DYNC2H1: variants seen among roughly 807,000 people sequenced by gnomAD.
The protein encoded by DYNC2H1 is dynein cytoplasmic 2 heavy chain 1.
A neutral mutation model predicts 570.0 loss-of-function variants in DYNC2H1; 410 were observed. That is an observed-to-expected ratio of 0.72 (90% confidence interval 0.66 to 0.78). The LOEUF (loss-of-function observed/expected upper bound fraction) is 0.78, where lower values mean the gene tolerates loss of function less well. Among genes scored for constraint, DYNC2H1 ranks in the 30% least tolerant of loss-of-function variants. The pLI, the probability that DYNC2H1 is intolerant of heterozygous loss-of-function variation, is 0.00. For missense variants in DYNC2H1, 4,865 were observed against 5,046.4 expected (o/e 0.96, Z 1.09); for synonymous variants, 1,688 against 1,677.6 (o/e 1.01, Z -0.15).
At chr11:103,443,288 A>C (rs1202441933) in intron 85 of DYNC2H1, among the ~76,000 whole-genome samples, 1 of 151,880 alleles carries the variant, frequency 6.6e-6, no homozygotes, top group African/African-American at 2.4e-5. Context: ...TCCATTCTCT[A>C]TTATCTATCA....
Position 103,189,705 on chromosome 11 carries a change from T to C in DYNC2H1, c.7326T>C (p.Tyr2442=), listed in dbSNP as rs558350168. 7.6e-5 allele frequency: 123 copies of C among 1,613,122 alleles called. 3 individuals are homozygous for C. In the South Asian group the frequency reaches 1.3e-3, roughly 17 times the overall value. The change falls in exon 45 of 89, where the codon TAT becomes TAC. Residue 2442 remains tyrosine, a synonymous_variant. Transcript: ENST00000375735. The surrounding 1 kb of genome is among the most constrained non-coding windows in gnomAD (Gnocchi z 4.3). The stretch of plus-strand genomic sequence containing the variant: ...AAAGAGAGCAGTTACAAACGATTTA[T>C]GGAGCATATTTGGAACCAGTTCTAC... ...YPEREQLQTI[Y]GAYLEPVLHK... is the part of the protein sequence containing the mutation.
rs915703999 is a variant in DYNC2H1 at position 103,205,058 on chromosome 11, A to G, written c.8454+94A>G. On this transcript the variant is annotated intron_variant, in intron 52 of 88. Transcript: ENST00000375735. The surrounding 1 kb of genome is among the most constrained non-coding windows in gnomAD (Gnocchi z 4.5). ...TCTCTTTGGTGTTGGTTATAACATC[A>G]CCTTAATTATGGCACCAAACATCTC... is the stretch of plus-strand genomic sequence containing the variant. 4 of 1,142,396 alleles carry G rather than the reference A, an allele frequency of 3.5e-6. No individual in the cohort carries two copies. Among genetic ancestry groups the G allele is most frequent in the Non-Finnish European group, 4.9e-6 (4 of 822,086 alleles). 70.8% of individuals were successfully genotyped at this position (1,142,396 alleles called of 1,614,324 possible). A position where few individuals can be genotyped will look rare whatever the true frequency, so the allele number is the denominator to read the frequency against.
chr11:103,253,536 G>A (rs1291750253), intron 66 of DYNC2H1, 88 bp downstream of exon 66: 4 of 1,238,354 alleles, frequency 3.2e-6, no homozygotes, highest in African/African-American at 3.0e-5. Context: ...TATTTTGTTA[G>A]ACTAATTAGT....
chr11:103,111,962 C>T (rs955460077), intron 1 of DYNC2H1, among the ~76,000 whole-genome samples: 4 of 152,130 alleles, frequency 2.6e-5, no homozygotes, highest in Non-Finnish European at 2.9e-5. Context: ...GTAGGCTAAA[C>T]GCATGCTACA....
At position 103,239,110 on chromosome 11, in the gene DYNC2H1, T is replaced by G. The variant is rs887971105; in HGVS notation, c.9819+2571T>G. Among the ~76,000 whole-genome samples the G allele has an allele frequency of 6.6e-6, 1 of 152,196 alleles. No homozygotes were observed. The highest frequency in any genetic ancestry group is 2.4e-5 in the African/African-American group (1 of 41,460). ...GAAAGGAAGTGGAGAAGATGACTAA[T>G]TAAAATATCAGATTTTATATGGGTT... On this transcript the variant is annotated intron_variant, in intron 63 of 88. Coordinates refer to ENST00000375735, the MANE Select transcript of DYNC2H1 (RefSeq NM_001377.3). The surrounding 1 kb of genome is among the most constrained non-coding windows in gnomAD (Gnocchi z 4.3).
At chr11:103,330,930 C>T (rs899401037) in intron 82 of DYNC2H1, among the ~76,000 whole-genome samples, 5 of 152,116 alleles carry the variant, frequency 3.3e-5, no homozygotes, top group African/African-American at 4.8e-5. Flanking sequence ...CAGTTGTAGT[C>T]AATAATAAGT....
At chr11:103,321,319 T>A in intron 81 of DYNC2H1, 82 bp downstream of exon 81, 1 of 1,185,302 alleles carries the variant, frequency 8.4e-7, no homozygotes, top group Non-Finnish European at 1.2e-6. Context: ...ATGTTACTTC[T>A]TTTCAAATGC....
In DYNC2H1 at chr11:103,243,840, G is replaced by A. The variant is rs755440188; in HGVS notation, c.9918+49G>A. 3.6e-6 allele frequency: 5 copies of A among 1,403,798 alleles called. No individual in the cohort carries two copies. The South Asian group carries it at 5.3e-5, about 15-fold the overall frequency. The allele number at this position is 1,403,798 out of a possible 1,614,324, so 87.0% of individuals were successfully genotyped here. On this transcript the variant is annotated intron_variant, in intron 64 of 88. Coordinates refer to ENST00000375735, the MANE Select transcript of DYNC2H1 (RefSeq NM_001377.3). The surrounding 1 kb of genome is among the most constrained non-coding windows in gnomAD (Gnocchi z 4.8). ...TACCAATTAGGAATGACCTCTTATAGTGAAAAGATCTTGGAGTCTATAATC... is the reference window on the plus strand; with the variant it reads ...TACCAATTAGGAATGACCTCTTATAATGAAAAGATCTTGGAGTCTATAATC...
At chr11:103,397,311 TA>T (rs545875421) in intron 83 of DYNC2H1, among the ~76,000 whole-genome samples, 14 of 150,542 alleles carry the variant, frequency 9.3e-5, no homozygotes, top group African/African-American at 2.2e-4. Flanking sequence ...ATTTACTCAA[TA>T]AAAAAAAAAC....
At chr11:103,426,666 ACTGATGATTGTTAT>A (rs1420506748) in intron 84 of DYNC2H1, among the ~76,000 whole-genome samples, 1 of 152,186 alleles carries the variant, frequency 6.6e-6, no homozygotes, top group African/African-American at 2.4e-5. Context: ...CTATGGCTAA[ACTGATGATTGTTAT>A]CTAGTTTGTG....
chr11:103,177,643 C>T lies in DYNC2H1; in HGVS notation c.5962C>T (p.Leu1988Phe). ...TCCAAGTGGTGCTGGAAAATCAACG[C>T]TTTGGAGAATGTTAAGGGCTGCGCT... is the stretch of plus-strand genomic sequence containing the variant. The part of the protein sequence containing the change: ...VGPSGAGKST[L>F]WRMLRAALCK... Residue 1988 changes from leucine to phenylalanine, a missense_variant, in exon 38 of 89, where the codon CTT (leucine) becomes TTT (phenylalanine). Leu to Phe is a conservative substitution (Grantham distance 22). Around this residue, in one of 5 missense-constraint regions of DYNC2H1, gnomAD observed 231 missense variants for 310.3 expected, o/e 0.74. Coordinates refer to ENST00000375735, the MANE Select transcript of DYNC2H1 (RefSeq NM_001377.3). This position sits in a 1 kb window ranked among gnomAD's most constrained non-coding sequence, Gnocchi z 4.4. 6.2e-7 allele frequency: 1 copy of T among 1,612,988 alleles called. No individual in the cohort carries two copies. Among genetic ancestry groups the T allele is most frequent in the South Asian group, 1.1e-5 (1 of 90,948 alleles).
At chr11:103,463,436 C>G (rs984934939) in intron 87 of DYNC2H1, among the ~76,000 whole-genome samples, 9 of 152,092 alleles carry the variant, frequency 5.9e-5, no homozygotes, top group Non-Finnish European at 1.3e-4. Flanking sequence ...CTCCATCTCC[C>G]CAATAAAAAG....
intron 65 of DYNC2H1, among the ~76,000 whole-genome samples, chr11:103,246,663 T>C (rs181044054): frequency 4.5e-4 from 68 of 152,184 alleles, no homozygotes; most frequent in Non-Finnish European, 2.6e-4. Flanking sequence ...CACACTAGTC[T>C]GTTATCCCCT....
Position 103,307,742 on chromosome 11 carries a change from A to G in DYNC2H1, c.11404A>G (p.Lys3802Glu). ...LEKELNTLQPKDTFRLWLTAE... is the reference protein window; with the variant it reads ...LEKELNTLQPEDTFRLWLTAE... Reference sequence around the variant, plus strand: ...CAAGGAATTGAATACTCTTCAACCTAAAGATACCTTTCGTCTTTGGCTCAC... The same window carrying G: ...CAAGGAATTGAATACTCTTCAACCTGAAGATACCTTTCGTCTTTGGCTCAC... Residue 3802 changes from lysine (K) to glutamate (E), a missense_variant, in exon 78 of 89, where the codon AAA becomes GAA. Physicochemically the swap from Lys to Glu is moderately conservative, Grantham distance 56. This residue lies in a region of DYNC2H1 where 2,401 missense variants were observed against 2,454.6 expected (regional missense o/e 0.98). Coordinates refer to ENST00000375735, the MANE Select transcript of DYNC2H1 (RefSeq NM_001377.3). 6.2e-7 allele frequency: 1 copy of G among 1,600,196 alleles called. No homozygotes were observed. Among genetic ancestry groups the G allele is most frequent in the Non-Finnish European group, 8.5e-7 (1 of 1,172,234 alleles).
intron 57 of DYNC2H1, among the ~76,000 whole-genome samples, chr11:103,221,376 G>A (rs1375107416): frequency 1.3e-5 from 2 of 152,168 alleles, no homozygotes; most frequent in Non-Finnish European, 2.9e-5. Flanking sequence ...GAGGACATAG[G>A]TTGACAGAGC....
intron 75 of DYNC2H1, among the ~76,000 whole-genome samples, chr11:103,293,130 G>T (rs1299449275): frequency 6.6e-6 from 1 of 152,028 alleles, no homozygotes; most frequent in African/African-American, 2.4e-5. Context: ...TTTAGCTTTT[G>T]TTTGCCTGGG....
intron 21 of DYNC2H1, among the ~76,000 whole-genome samples, chr11:103,153,040 G>C (rs890420693): frequency 6.6e-6 from 1 of 152,032 alleles, no homozygotes; most frequent in African/African-American, 2.4e-5. Flanking sequence ...GTTGTACTAG[G>C]TGCGGTTAAC....
intron 59 of DYNC2H1, among the ~76,000 whole-genome samples, chr11:103,230,418 T>C (rs546192381): frequency 6.6e-6 from 1 of 152,306 alleles, no homozygotes; most frequent in Admixed American, 6.5e-5. Flanking sequence ...GTCAGTCATT[T>C]TACTGTAAAA....
intron 60 of DYNC2H1, among the ~76,000 whole-genome samples, chr11:103,232,941 G>C (rs1864072225): frequency 6.6e-6 from 1 of 151,946 alleles, no homozygotes; most frequent in African/African-American, 2.4e-5. Context: ...CAGTTACTGA[G>C]CACTTGCAAT....
Sources: allele counts gnomAD v4.1 joint callset (sites outside exome capture counted in the v4.1 genomes callset), GRCh38; gene constraint gnomAD v4.1.1; regional missense constraint gnomAD v4.1.1; non-coding constraint Gnocchi (gnomAD v3.1); transcripts MANE v1.5; gene names NCBI Gene and HGNC (gene_info 2026-07-23, HGNC 2026-07-21).